The following UBE3C variants were observed in gnomAD, a reference collection of about 807,000 sequenced individuals.
UBE3C encodes ubiquitin protein ligase E3C, also known as ubiquitin-protein ligase E3C.
UBE3C carries 42 observed loss-of-function variants against 129.4 expected under a neutral mutation model. The ratio of observed to expected loss-of-function variants is 0.32; its 90% CI spans 0.25 to 0.42. The LOEUF is 0.42. Among genes scored for constraint, UBE3C ranks in the 10% least tolerant of loss-of-function variants. UBE3C has a pLI of 1.00. For missense variants in UBE3C, 1,049 were observed against 1,319.1 expected (o/e 0.80, Z 3.17); for synonymous variants, 510 against 492.4 (o/e 1.04, Z -0.47).
At position 157,139,142 on chromosome 7, in the gene UBE3C, C is replaced by T; in HGVS notation, c.-131C>T. On this transcript the variant is annotated 5_prime_UTR_variant, in exon 1 of 23. Coordinates refer to ENST00000348165, the MANE Select transcript of UBE3C (RefSeq NM_014671.3). Reference sequence around the variant, plus strand: ...CAGCCCGGGGGCGGGCTCGGGTCGCCTCCCGGCCGCCGCGTCCTCGCTGCC... The same window carrying T: ...CAGCCCGGGGGCGGGCTCGGGTCGCTTCCCGGCCGCCGCGTCCTCGCTGCC... 1 of 496,498 alleles carries T rather than the reference C, an allele frequency of 2.0e-6. No homozygotes were observed. Among genetic ancestry groups the T allele is most frequent in the Non-Finnish European group, 2.6e-6 (1 of 380,258 alleles). The allele number at this position is 496,498 out of a possible 1,614,324, so 30.8% of individuals were successfully genotyped here. A position where few individuals can be genotyped will look rare whatever the true frequency, so the allele number is the denominator to read the frequency against.
intron 22 of UBE3C, among the ~76,000 whole-genome samples, chr7:157,257,809 TAAAATA>T (rs1478592804): frequency 6.6e-6 from 1 of 151,182 alleles, no homozygotes; most frequent in Admixed American, 6.6e-5. Flanking sequence ...CACTGTAAAT[TAAAATA>T]AAGCCATATT....
intron 22 of UBE3C, among the ~76,000 whole-genome samples, chr7:157,260,956 C>A (rs1020914043): frequency 6.6e-6 from 1 of 152,100 alleles, no homozygotes; most frequent in Non-Finnish European, 1.5e-5. Flanking sequence ...GCTGCGTGAG[C>A]GTCGTAGGTT....
intron 18 of UBE3C, among the ~76,000 whole-genome samples, chr7:157,247,597 CAGG>C: frequency 6.6e-6 from 1 of 152,190 alleles, no homozygotes; most frequent in East Asian, 1.9e-4. Flanking sequence ...GAGGCTGAGG[CAGG>C]AGAATCGCTT....
intron 2 of UBE3C, 22 bp from the exon 3 acceptor site, chr7:157,169,026 C>T: frequency 1.2e-6 from 2 of 1,603,224 alleles, no homozygotes; most frequent in Non-Finnish European, 1.7e-6. Context: ...ATTGCTCCCT[C>T]ACTCCTCCTT....
chr7:157,158,104 G>A (rs73174376), intron 1 of UBE3C, among the ~76,000 whole-genome samples: 23,662 of 142,696 alleles, frequency 0.17, 2,216 homozygotes, highest in East Asian at 0.35. Context: ...CATGGCCCAG[G>A]CTGGTCTCAA....
intron 2 of UBE3C, among the ~76,000 whole-genome samples, chr7:157,166,643 G>T (rs1277307401): frequency 6.6e-6 from 1 of 151,468 alleles, no homozygotes. Context: ...GGGAGCCTGA[G>T]GCAGGAGAAT....
intron 13 of UBE3C, among the ~76,000 whole-genome samples, chr7:157,212,197 T>C (rs1809614455): frequency 6.6e-6 from 1 of 151,930 alleles, no homozygotes; most frequent in African/African-American, 2.4e-5. Flanking sequence ...CTAGATCTAC[T>C]GTAGAAAGAA....
chr7:157,225,350 G>T lies in UBE3C; in HGVS notation c.2101-57G>T, dbSNP rs1795847124. The T allele has an allele frequency of 2.9e-5, 45 of 1,544,814 alleles. No individual in the cohort carries two copies. The South Asian group carries it at 5.7e-4, about 19-fold the overall frequency. On this transcript the variant is annotated intron_variant, in intron 16 of 22. Coordinates refer to ENST00000348165, the MANE Select transcript of UBE3C (RefSeq NM_014671.3). ...ATAAGATTTAGCAGTTTATTCTTTG[G>T]TAGGTTGTAAGAGGTCTTTTGTTTC...
chr7:157,178,140 T>C (rs1173856462), intron 5 of UBE3C, among the ~76,000 whole-genome samples: 2 of 152,126 alleles, frequency 1.3e-5, no homozygotes, highest in African/African-American at 2.4e-5. Context: ...TGGTGCGGCC[T>C]GCCCGACTGC....
At chr7:157,157,037 C>T (rs993273426) in intron 1 of UBE3C, among the ~76,000 whole-genome samples, 1 of 151,982 alleles carries the variant, frequency 6.6e-6, no homozygotes, top group Non-Finnish European at 1.5e-5. Flanking sequence ...CCGGCCCAGG[C>T]GGTAGGAGGA....
intron 11 of UBE3C, 58 bp from the exon 12 acceptor site, chr7:157,207,340 C>A (rs1274061726): frequency 6.4e-7 from 1 of 1,567,418 alleles, no homozygotes; most frequent in Non-Finnish European, 8.6e-7. Flanking sequence ...TTAATTAGTT[C>A]CCAAACTAAG....
chr7:157,254,660 A>G (rs975089533), intron 21 of UBE3C, among the ~76,000 whole-genome samples: 1 of 151,710 alleles, frequency 6.6e-6, no homozygotes, highest in Admixed American at 6.6e-5. Flanking sequence ...AGCCTCCCCA[A>G]AGTGCCAGGA....
intron 13 of UBE3C, among the ~76,000 whole-genome samples, chr7:157,214,934 T>A (rs1235823379): frequency 6.6e-6 from 1 of 152,218 alleles, no homozygotes; most frequent in East Asian, 1.9e-4. Context: ...AGATGTTGTA[T>A]GTGCAGCTAA....
chr7:157,201,392 C>T (rs962321025), intron 10 of UBE3C, among the ~76,000 whole-genome samples: 3 of 149,520 alleles, frequency 2.0e-5, no homozygotes, highest in Admixed American at 6.8e-5. Flanking sequence ...TATATTAATA[C>T]GATATGTAGC....
chr7:157,176,632 T>C (rs1208327360), intron 5 of UBE3C, among the ~76,000 whole-genome samples: 1 of 152,210 alleles, frequency 6.6e-6, no homozygotes, highest in East Asian at 1.9e-4. Context: ...CTCTTTAATC[T>C]CAGTAAGGTC....
intron 1 of UBE3C, among the ~76,000 whole-genome samples, chr7:157,155,426 T>G (rs1249947725): frequency 3.9e-5 from 6 of 152,168 alleles, no homozygotes; most frequent in Admixed American, 3.9e-4. Context: ...CACAGTTTTT[T>G]GGGGTTTTTT....
chr7:157,145,715 G>A (rs146810102), intron 1 of UBE3C, among the ~76,000 whole-genome samples: 503 of 152,142 alleles, frequency 3.3e-3, no homozygotes, highest in Non-Finnish European at 3.6e-3. Flanking sequence ...TCTTTTCATG[G>A]CTTGACAGTT....
chr7:157,249,198 A>G (rs1180977896), intron 19 of UBE3C, among the ~76,000 whole-genome samples: 2 of 151,696 alleles, frequency 1.3e-5, no homozygotes, highest in African/African-American at 2.4e-5. Context: ...ATGTTAGCAC[A>G]TTTTCCTCGG....
At chr7:157,165,749 T>G (rs1808196419) in intron 2 of UBE3C, among the ~76,000 whole-genome samples, 1 of 152,172 alleles carries the variant, frequency 6.6e-6, no homozygotes, top group Admixed American at 6.5e-5. Context: ...GTTATTTCAG[T>G]TCTAGAATTT....
Sources: gnomAD v4.1 joint callset for allele counts (sites outside exome capture counted in the v4.1 genomes callset) on GRCh38, gnomAD v4.1.1 for gene constraint, MANE v1.5 for transcripts, NCBI Gene and HGNC (gene_info 2026-07-23, HGNC 2026-07-21) for gene names.